Variants in MAN2A1 observed in about 807,000 individuals in gnomAD.
MAN2A1 encodes mannosidase alpha class 2A member 1.
A neutral mutation model predicts 142.6 loss-of-function variants in MAN2A1; 76 were observed. That is an observed-to-expected ratio of 0.53 (90% CI 0.44 to 0.65). The LOEUF (loss-of-function observed/expected upper bound fraction) is 0.65. Ranked by LOEUF, MAN2A1 falls within the 30% of genes least tolerant of loss-of-function variation. The pLI, the probability that MAN2A1 is intolerant of heterozygous loss-of-function variation, is 0.00. For missense variants in MAN2A1, 1,311 were observed against 1,365.1 expected (o/e 0.96, Z 0.62); for synonymous variants, 559 against 473.2 (o/e 1.18, Z -2.35).
At chr5:109,715,220 T>C (rs576733584) in intron 2 of MAN2A1, among the ~76,000 whole-genome samples, 80 of 152,052 alleles carry the variant, frequency 5.3e-4, no homozygotes, top group Non-Finnish European at 8.2e-4. Flanking sequence ...TAAACTCATA[T>C]ATTCCATAGG....
chr5:109,819,877 G>C lies in MAN2A1; in HGVS notation c.2318G>C (p.Gly773Ala). Reference protein sequence around the residue: ...SFVLLRFDQTGLMKQMMTKED... With the variant: ...SFVLLRFDQTALMKQMMTKED... The stretch of plus-strand genomic sequence containing the variant: ...GTTTTACTTCGGTTTGATCAAACTG[G>C]ACTTATGAAGGTATGTTCTGAATAG... Residue 773 changes from glycine (G) to alanine (A), a missense_variant, in exon 14 of 22, where the codon GGA (glycine) becomes GCA (alanine). Physicochemically the swap from Gly to Ala is moderately conservative, Grantham distance 60 (BLOSUM62 0). Transcript: ENST00000261483. The C allele has an allele frequency of 6.3e-7, 1 of 1,583,308 alleles. No individual in the cohort carries two copies. The highest frequency in any genetic ancestry group is 8.6e-7 in the Non-Finnish European group (1 of 1,163,982).
Position 109,866,854 on chromosome 5 carries a change from A to G in MAN2A1, c.3291A>G (p.Val1097=). ...TATCATTTACTTTTCAGATATTGGTACAGAAACTTTTAAACAAGTTTATTG... is the reference window on the plus strand; with the variant it reads ...TATCATTTACTTTTCAGATATTGGTGCAGAAACTTTTAAACAAGTTTATTG... ...FCSTTQGKIL[V]QKLLNKFIVE... Residue 1097 remains valine, a synonymous_variant, in exon 22 of 22, where the codon GTA becomes GTG. Coordinates refer to ENST00000261483, the MANE Select transcript of MAN2A1 (RefSeq NM_002372.4). 6.2e-7 allele frequency: 1 copy of G among 1,602,334 alleles called. No homozygotes were observed. Among genetic ancestry groups the G allele is most frequent in the Admixed American group, 1.7e-5 (1 of 58,652 alleles).
intron 4 of MAN2A1, 118 bp downstream of exon 4, chr5:109,729,631 T>G: frequency 1.8e-6 from 1 of 548,614 alleles, no homozygotes; most frequent in South Asian, 4.2e-5. Context: ...CTTAAAATAT[T>G]TCTTCACATA....
At chr5:109,735,626 G>T (rs1752069079) in intron 4 of MAN2A1, among the ~76,000 whole-genome samples, 1 of 152,042 alleles carries the variant, frequency 6.6e-6, no homozygotes, top group Non-Finnish European at 1.5e-5. Context: ...CTTCTGTGTT[G>T]CTCACACTGG....
At chr5:109,844,471 G>A (rs1275416099) in intron 17 of MAN2A1, among the ~76,000 whole-genome samples, 2 of 151,562 alleles carry the variant, frequency 1.3e-5, no homozygotes, top group East Asian at 1.9e-4. Context: ...TTTTAAGGTA[G>A]CTTTACTTTT....
intron 19 of MAN2A1, among the ~76,000 whole-genome samples, chr5:109,850,339 C>A (rs1260513182): frequency 1.3e-5 from 2 of 152,110 alleles, no homozygotes; most frequent in Admixed American, 1.3e-4. Flanking sequence ...CTACTAGATT[C>A]CAGGGACTTG....
intron 12 of MAN2A1, among the ~76,000 whole-genome samples, chr5:109,807,977 T>A (rs868425783): frequency 1.3e-5 from 2 of 152,176 alleles, no homozygotes; most frequent in South Asian, 4.1e-4. Context: ...AAAGGAAAAT[T>A]TGACCATGTT....
chr5:109,852,904 G>A (rs1274125757), intron 19 of MAN2A1, among the ~76,000 whole-genome samples: 1 of 152,128 alleles, frequency 6.6e-6, no homozygotes, highest in Non-Finnish European at 1.5e-5. Context: ...AATATGATAA[G>A]AAAGTACATG....
chr5:109,808,057 A>G (rs1754217293), intron 12 of MAN2A1, among the ~76,000 whole-genome samples: 1 of 152,116 alleles, frequency 6.6e-6, no homozygotes, highest in Non-Finnish European at 1.5e-5. Flanking sequence ...CCCACTCCCC[A>G]CTATGACTTG....
chr5:109,738,236 T>A (rs1295257748), intron 4 of MAN2A1, among the ~76,000 whole-genome samples: 1 of 144,064 alleles, frequency 6.9e-6, no homozygotes, highest in African/African-American at 2.5e-5. Context: ...ATTTTATGTT[T>A]TTTTTTTTTT....
chr5:109,852,651 C>G (rs1755513494), intron 19 of MAN2A1, among the ~76,000 whole-genome samples: 2 of 152,136 alleles, frequency 1.3e-5, no homozygotes, highest in East Asian at 3.9e-4. Flanking sequence ...GAAAGCTACA[C>G]TTATACAGTC....
At position 109,867,935 on chromosome 5, in the gene MAN2A1, A is replaced by G. The variant is rs1050555554; in HGVS notation, c.*937A>G. ...GGAGAGGGTGGGTACTTTCTATGACACATAAATTGTGTAATTTTTGCCTGA... is the reference window on the plus strand; with the variant it reads ...GGAGAGGGTGGGTACTTTCTATGACGCATAAATTGTGTAATTTTTGCCTGA... On this transcript the variant is annotated 3_prime_UTR_variant, in exon 22 of 22. Transcript: ENST00000261483. The G allele has an allele frequency of 3.3e-5, 5 of 152,146 alleles. No homozygotes were observed. The highest frequency in any genetic ancestry group is 1.2e-4 in the African/African-American group (5 of 41,450). 9.4% of individuals were successfully genotyped at this position (152,146 alleles called of 1,614,324 possible).
Position 109,845,899 on chromosome 5 carries a change from T to G in MAN2A1, c.2735T>G (p.Leu912Arg). Residue 912 changes from leucine to arginine, a missense_variant, in exon 18 of 22, where the codon CTT becomes CGT. Coordinates refer to ENST00000261483, the MANE Select transcript of MAN2A1 (RefSeq NM_002372.4). ...AGAATGACACTGAGCAAATTGCCTC[T>G]TCAAGCAAATGTCTATCCCATGACC... is the stretch of plus-strand genomic sequence containing the variant. Reference protein sequence around the residue: ...QPRMTLSKLPLQANVYPMTTM... With the variant: ...QPRMTLSKLPRQANVYPMTTM... The G allele has an allele frequency of 6.2e-7, 1 of 1,613,658 alleles. No individual in the cohort carries two copies. The highest frequency in any genetic ancestry group is 8.5e-7 in the Non-Finnish European group (1 of 1,179,728).
intron 1 of MAN2A1, among the ~76,000 whole-genome samples, chr5:109,694,896 A>G (rs930077593): frequency 6.6e-5 from 10 of 152,160 alleles, no homozygotes; most frequent in South Asian, 4.1e-4. Context: ...AGTGCAGTCT[A>G]TTTATAAACA....
intron 6 of MAN2A1, among the ~76,000 whole-genome samples, chr5:109,770,047 A>G (rs1463845519): frequency 1.3e-5 from 2 of 152,186 alleles, no homozygotes; most frequent in African/African-American, 2.4e-5. Flanking sequence ...TGGATGAGCC[A>G]GCTGTAACTT....
intron 1 of MAN2A1, among the ~76,000 whole-genome samples, chr5:109,705,605 T>C (rs755321013): frequency 3.3e-5 from 5 of 152,172 alleles, no homozygotes; most frequent in Non-Finnish European, 5.9e-5. Flanking sequence ...GGCCAACTAT[T>C]TGCTAAGTAT....
At chr5:109,814,735 T>TG (rs2112717481) in intron 12 of MAN2A1, among the ~76,000 whole-genome samples, 1 of 152,312 alleles carries the variant, frequency 6.6e-6, no homozygotes, top group Admixed American at 6.5e-5. Context: ...TTTAATAGGG[T>TG]GCAAAACCAA....
At chr5:109,824,857 C>G (rs1561530974) in intron 16 of MAN2A1, among the ~76,000 whole-genome samples, 1 of 152,056 alleles carries the variant, frequency 6.6e-6, no homozygotes, top group African/African-American at 2.4e-5. Context: ...TTATTAACTT[C>G]AAATTTCATT....
chr5:109,724,719 A>G (rs577115578), intron 3 of MAN2A1, among the ~76,000 whole-genome samples: 1 of 152,332 alleles, frequency 6.6e-6, no homozygotes, highest in Admixed American at 6.5e-5. Flanking sequence ...TATTATAGCA[A>G]TCAAAACCAT....
Sources: gnomAD v4.1 joint callset for allele counts (sites outside exome capture counted in the v4.1 genomes callset) on GRCh38, gnomAD v4.1.1 for gene constraint, MANE v1.5 for transcripts, NCBI Gene and HGNC (gene_info 2026-07-23, HGNC 2026-07-21) for gene names.